Variants in PALLD observed in about 807,000 individuals in gnomAD.
The protein encoded by PALLD is palladin.
PALLD carries 61 observed loss-of-function variants against 123.5 expected under a neutral mutation model. The ratio of observed to expected loss-of-function variants is 0.49; its 90% CI spans 0.40 to 0.61. The LOEUF is 0.61. PALLD is among the 20% of genes least tolerant of loss of function. The pLI is 0.00. For synonymous variants in PALLD, 465 were observed against 496.4 expected, an observed-to-expected ratio of 0.94 and a Z score of 0.84; for missense variants, 1,273 against 1,377.0, an observed-to-expected ratio of 0.92 and a Z score of 1.20.
At chr4:168,691,407 G>T (rs1029427003) in intron 8 of PALLD, 115 bp downstream of exon 8, 3 of 843,200 alleles carry the variant, frequency 3.6e-6, no homozygotes, top group African/African-American at 1.7e-5. Flanking sequence ...CAATGTTTTT[G>T]TGGCTCCCTG....
At chr4:168,773,792 C>G (rs978249463) in intron 10 of PALLD, among the ~76,000 whole-genome samples, 4 of 152,150 alleles carry the variant, frequency 2.6e-5, no homozygotes, top group South Asian at 2.1e-4. Flanking sequence ...ACCCACCTCG[C>G]CGCCTGTTCT....
chr4:168,583,527 G>T (rs1354850410), intron 2 of PALLD, among the ~76,000 whole-genome samples: 1 of 152,086 alleles, frequency 6.6e-6, no homozygotes, highest in Non-Finnish European at 1.5e-5. Context: ...AAAGGTTCTA[G>T]ATTACATAGA....
At chr4:168,834,504 C>T (rs1301147930) in intron 10 of PALLD, among the ~76,000 whole-genome samples, 8 of 152,186 alleles carry the variant, frequency 5.3e-5, no homozygotes, top group South Asian at 2.1e-4. Context: ...TTTGGGAGGC[C>T]GAGGCGGGCA....
intron 10 of PALLD, among the ~76,000 whole-genome samples, chr4:168,853,908 A>G (rs1748184890): frequency 6.6e-6 from 1 of 152,220 alleles, no homozygotes. Context: ...GGAGACAGGC[A>G]GCTCTGACTT....
intron 14 of PALLD, among the ~76,000 whole-genome samples, chr4:168,900,449 C>T (rs1756258166): frequency 6.6e-6 from 1 of 151,906 alleles, no homozygotes; most frequent in South Asian, 2.1e-4. Context: ...CCAAAAAATA[C>T]AAATTTATAA....
chr4:168,739,165 A>G (rs554103206), intron 10 of PALLD, among the ~76,000 whole-genome samples: 12 of 152,140 alleles, frequency 7.9e-5, no homozygotes, highest in South Asian at 2.1e-4. Flanking sequence ...TTCTTTATCT[A>G]TTGGTCCATT....
intron 2 of PALLD, among the ~76,000 whole-genome samples, chr4:168,663,791 T>A (rs1238415829): frequency 6.6e-6 from 1 of 152,258 alleles, no homozygotes; most frequent in East Asian, 1.9e-4. Flanking sequence ...CATGCCATTA[T>A]TTGATATCAA....
At chr4:168,703,749 T>G (rs1294214605) in intron 8 of PALLD, among the ~76,000 whole-genome samples, 1 of 144,350 alleles carries the variant, frequency 6.9e-6, no homozygotes, top group African/African-American at 2.7e-5. Flanking sequence ...CACTTTTTGA[T>G]GGGGTTGTTT....
At chr4:168,572,898 A>G (rs1378305154) in intron 2 of PALLD, among the ~76,000 whole-genome samples, 1 of 149,960 alleles carries the variant, frequency 6.7e-6, no homozygotes, top group Non-Finnish European at 1.5e-5. Flanking sequence ...CAGCCTGCCA[A>G]CAACCCACCA....
chr4:168,608,147 T>A (rs1018031839), intron 2 of PALLD, among the ~76,000 whole-genome samples: 1 of 152,206 alleles, frequency 6.6e-6, no homozygotes, highest in African/African-American at 2.4e-5. Flanking sequence ...CAGGGTCGCA[T>A]TGGGAGCAGC....
chr4:168,728,632 A>G (rs1337183180), intron 10 of PALLD, among the ~76,000 whole-genome samples: 2 of 152,206 alleles, frequency 1.3e-5, no homozygotes, highest in Non-Finnish European at 2.9e-5. Flanking sequence ...CTAGATATCG[A>G]ATCATATTAT....
intron 2 of PALLD, among the ~76,000 whole-genome samples, chr4:168,560,984 C>T (rs1767804276): frequency 6.6e-6 from 1 of 152,154 alleles, no homozygotes; most frequent in South Asian, 2.1e-4. Flanking sequence ...AGAGGAAGCA[C>T]TGTCAGTGGA....
chr4:168,541,737 G>T (rs894660999), intron 2 of PALLD, among the ~76,000 whole-genome samples: 1 of 152,138 alleles, frequency 6.6e-6, no homozygotes, highest in Non-Finnish European at 1.5e-5. Context: ...ACAAGCATGA[G>T]TCACCATGCC....
At chr4:168,553,544 C>T (rs1046400033) in intron 2 of PALLD, among the ~76,000 whole-genome samples, 1 of 152,182 alleles carries the variant, frequency 6.6e-6, no homozygotes, top group African/African-American at 2.4e-5. Context: ...AGAAAGATAA[C>T]TCTGTCTGCC....
Position 168,874,708 on chromosome 4 carries a change from T to C in PALLD, c.1965-16214T>C, listed in dbSNP as rs531637021. Among the ~76,000 whole-genome samples, 5 of 151,934 alleles carry C rather than the reference T, an allele frequency of 3.3e-5. No homozygotes were observed. The South Asian group carries it at 8.3e-4, about 25-fold the overall frequency. ...CCTTTTATGTGTTACATGCCTGAAGTAGTGTAAAGAGCAGGGACAGACACA... is the reference window on the plus strand; with the variant it reads ...CCTTTTATGTGTTACATGCCTGAAGCAGTGTAAAGAGCAGGGACAGACACA... On this transcript the variant is annotated intron_variant, in intron 10 of 21. Coordinates refer to ENST00000505667, the MANE Select transcript of PALLD (RefSeq NM_001166108.2).
At chr4:168,819,099 A>T (rs1266569033) in intron 10 of PALLD, among the ~76,000 whole-genome samples, 1 of 152,224 alleles carries the variant, frequency 6.6e-6, no homozygotes, top group Non-Finnish European at 1.5e-5. Context: ...GAGTTTACCT[A>T]TCCAGCAAAT....
Position 168,766,563 on chromosome 4 carries a change from C to T in PALLD, c.1964+54640C>T, listed in dbSNP as rs75701437. On this transcript the variant is annotated intron_variant, in intron 10 of 21. Coordinates refer to ENST00000505667, the MANE Select transcript of PALLD (RefSeq NM_001166108.2). The stretch of plus-strand genomic sequence containing the variant: ...GCCTGTGAATGGACACATGCAGAGA[C>T]GGAGAGCCTGTTTCCTGAGAAGGCC... Among the ~76,000 whole-genome samples the T allele has an allele frequency of 3.6e-3, 550 of 152,262 alleles. 1 individual carries two copies. Among genetic ancestry groups the T allele is most frequent in the African/African-American group, 0.013 (524 of 41,552 alleles).
intron 10 of PALLD, among the ~76,000 whole-genome samples, chr4:168,830,231 C>CAAAAAA (rs1156711141): frequency 2.7e-5 from 2 of 73,238 alleles, no homozygotes; most frequent in Non-Finnish European, 5.4e-5. Flanking sequence ...GACTTTGTCT[C>CAAAAAA]AAAAAAAAAA....
chr4:168,685,398 T>C, intron 5 of PALLD, 87 bp from the exon 6 acceptor site: 1 of 841,992 alleles, frequency 1.2e-6, no homozygotes, highest in East Asian at 2.4e-5. Flanking sequence ...TTCAAGTGGG[T>C]GATCCCCATA....
Sources: gnomAD v4.1 joint callset for allele counts (sites outside exome capture counted in the v4.1 genomes callset) on GRCh38, gnomAD v4.1.1 for gene constraint, MANE v1.5 for transcripts, NCBI Gene and HGNC (gene_info 2026-07-23, HGNC 2026-07-21) for gene names.